The following ZBTB11 variants were observed in gnomAD, a reference collection of about 807,000 sequenced individuals.
ZBTB11 encodes the protein zinc finger and BTB domain-containing protein 11.
Under a neutral mutation model 113.1 loss-of-function variants are expected in ZBTB11, and 68 were observed. The ratio of observed to expected loss-of-function variants is 0.60; its 90% CI spans 0.49 to 0.74. The LOEUF (loss-of-function observed/expected upper bound fraction) is 0.74. Ranked by LOEUF, ZBTB11 falls within the 30% of genes least tolerant of loss-of-function variation. The pLI, the probability that ZBTB11 is intolerant of heterozygous loss-of-function variation, is 0.00. For missense variants in ZBTB11, 1,104 were observed against 1,279.4 expected (o/e 0.86, Z 2.09); for synonymous variants, 518 against 452.6 (o/e 1.14, Z -1.83).
rs1936782090 is a variant in ZBTB11 at position 101,655,663 on chromosome 3, G to A, written c.2191+441C>T. Among the ~76,000 whole-genome samples the A allele has an allele frequency of 5.3e-5, 8 of 149,536 alleles. No homozygotes were observed. In the South Asian group the frequency reaches 1.7e-3, roughly 31 times the overall value. On this transcript the variant is annotated intron_variant, in intron 7 of 10. Transcript: ENST00000312938. ...GCTGTAAAACCAGATCTGAGAAAAC[G>A]CTTTTTTTTTTTTTTGAGACGGATT...
In ZBTB11 at chr3:101,652,490, A is replaced by G. The variant is rs1374566063; in HGVS notation, c.2644+6T>C. ...TAAGGATACATATAATATAAAGTAT[A>G]GTTACCTTCATGGTTGTTCATGTGT... On this transcript the variant is annotated splice_donor_region_variant and intron_variant, in intron 10 of 10. Transcript: ENST00000312938. 1.2e-6 allele frequency: 2 copies of G among 1,613,096 alleles called. No individual in the cohort carries two copies. Among genetic ancestry groups the G allele is most frequent in the Middle Eastern group, 1.6e-4 (1 of 6,080 alleles).
At chr3:101,654,643 T>C in intron 8 of ZBTB11, 61 bp downstream of exon 8, 1 of 1,397,748 alleles carries the variant, frequency 7.2e-7, no homozygotes, top group Non-Finnish European at 1.0e-6. Context: ...CAAATATTTT[T>C]TTGAAAACTG....
rs758166647 is a variant in ZBTB11 at position 101,665,427 on chromosome 3, T to A, written c.1160A>T (p.Gln387Leu). Residue 387 changes from glutamine (Q) to leucine (L), a missense_variant, in exon 4 of 11, where the codon CAG (glutamine) becomes CTG (leucine). Physicochemically the swap from Gln to Leu is moderately radical, Grantham distance 113. Coordinates refer to ENST00000312938, the MANE Select transcript of ZBTB11 (RefSeq NM_014415.4). The stretch of plus-strand genomic sequence containing the variant: ...GGCAGATTCAGCCTCTGAAGAAACC[T>A]GGGGCTCAGGCTGTCGTCCTACCTC... Reference protein sequence around the residue: ...NGEVGRQPEPQVSSEAESALS... With the variant: ...NGEVGRQPEPLVSSEAESALS... 4 of 1,614,192 alleles carry A rather than the reference T, an allele frequency of 2.5e-6. No individual in the cohort carries two copies. Among genetic ancestry groups the A allele is most frequent in the Non-Finnish European group, 3.4e-6 (4 of 1,180,032 alleles).
Position 101,672,232 on chromosome 3 carries a change from C to T in ZBTB11, c.311-19G>A. 6.5e-7 allele frequency: 1 copy of T among 1,542,836 alleles called. No homozygotes were observed. The highest frequency in any genetic ancestry group is 1.2e-5 in the South Asian group (1 of 83,998). Reference sequence around the variant, plus strand: ...AATATACCTACAATGAAAATATTAACAAGTCAAATTTAATACTGTTAACTG... The same window carrying T: ...AATATACCTACAATGAAAATATTAATAAGTCAAATTTAATACTGTTAACTG... On this transcript the variant is annotated intron_variant, in intron 1 of 10. Transcript: ENST00000312938.
chr3:101,659,987 T>C lies in ZBTB11; in HGVS notation c.1842A>G (p.Ala614=). 2 of 1,614,176 alleles carry C rather than the reference T, an allele frequency of 1.2e-6. No homozygotes were observed. The highest frequency in any genetic ancestry group is 1.7e-6 in the Non-Finnish European group (2 of 1,180,008). The part of the protein sequence containing the change: ...KQFQYSASLR[A]HLIRHTRKDA... Reference sequence around the variant, plus strand: ...CTTTTCTGGTATGACGAATAAGATGTGCTCGCAAAGAGGCACTGTACTGAA... The same window carrying C: ...CTTTTCTGGTATGACGAATAAGATGCGCTCGCAAAGAGGCACTGTACTGAA... The change falls in exon 6 of 11, where the codon GCA becomes GCG. Residue 614 remains alanine (A), a synonymous_variant. Transcript: ENST00000312938.
At chr3:101,672,339 T>C (rs1937097740) in intron 1 of ZBTB11, 126 bp from the exon 2 acceptor site, 2 of 607,526 alleles carry the variant, frequency 3.3e-6, no homozygotes, top group Non-Finnish European at 5.6e-6. Flanking sequence ...ATAAAATATG[T>C]AGAGTTTATT....
At chr3:101,668,820 G>A (rs1937038437) in intron 3 of ZBTB11, among the ~76,000 whole-genome samples, 1 of 151,862 alleles carries the variant, frequency 6.6e-6, no homozygotes, top group African/African-American at 2.4e-5. Context: ...GAGCCTCTCT[G>A]AGCCTATTCT....
chr3:101,653,778 T>C (rs1260115389), intron 8 of ZBTB11, among the ~76,000 whole-genome samples: 5 of 152,162 alleles, frequency 3.3e-5, no homozygotes, highest in Admixed American at 6.5e-5. Context: ...GAAAAGCTTA[T>C]AGTGACTAGG....
In ZBTB11 at chr3:101,656,131, G is replaced by A; in HGVS notation, c.2164C>T (p.Leu722Phe). The stretch of plus-strand genomic sequence containing the variant: ...GTGTGAATACTCATATGTTCTTGAA[G>A]ACTCCGTTTGGTAACAAATGACTTA... ...CVKSFVTKRS[L>F]QEHMSIHTGE... Residue 722 changes from leucine to phenylalanine, a missense_variant, in exon 7 of 11, where the codon CTT (leucine) becomes TTT (phenylalanine). Leu to Phe is a conservative substitution (Grantham distance 22). Transcript: ENST00000312938. 6.3e-7 allele frequency: 1 copy of A among 1,588,810 alleles called. No individual in the cohort carries two copies. Among genetic ancestry groups the A allele is most frequent in the South Asian group, 1.1e-5 (1 of 87,140 alleles).
At chr3:101,664,472 T>C in intron 5 of ZBTB11, 66 bp downstream of exon 5, 1 of 1,440,766 alleles carries the variant, frequency 6.9e-7, no homozygotes. Flanking sequence ...AAGATAACCA[T>C]GCAGTAAGTT....
At chr3:101,652,990 G>A in intron 8 of ZBTB11, 52 bp from the exon 9 acceptor site, 1 of 1,533,240 alleles carries the variant, frequency 6.5e-7, no homozygotes, top group Non-Finnish European at 8.8e-7. Context: ...TTTAAAACAA[G>A]TTTCCAAGAA....
chr3:101,657,016 C>A (rs1936810191), intron 6 of ZBTB11, among the ~76,000 whole-genome samples: 1 of 151,108 alleles, frequency 6.6e-6, no homozygotes, highest in Admixed American at 6.6e-5. Flanking sequence ...TGACAGGCAT[C>A]TGTAATCCCA....
At chr3:101,676,463 C>T in intron 1 of ZBTB11, 142 bp downstream of exon 1, 1 of 873,594 alleles carries the variant, frequency 1.1e-6, no homozygotes, top group Non-Finnish European at 1.6e-6. Flanking sequence ...GTCCCCCACC[C>T]TCTCGGCTCC....
chr3:101,651,000 T>C lies in ZBTB11; in HGVS notation c.*166A>G. Reference sequence around the variant, plus strand: ...TTTCTCTACACTAAACGGACTTTTCTATAGAACCCATTGGCCAGACAAAAT... The same window carrying C: ...TTTCTCTACACTAAACGGACTTTTCCATAGAACCCATTGGCCAGACAAAAT... On this transcript the variant is annotated 3_prime_UTR_variant, in exon 11 of 11. Transcript: ENST00000312938. 2.8e-6 allele frequency: 2 copies of C among 707,996 alleles called. No individual in the cohort carries two copies. Among genetic ancestry groups the C allele is most frequent in the South Asian group, 4.9e-5 (2 of 40,570 alleles). 43.9% of individuals were successfully genotyped at this position (707,996 alleles called of 1,614,324 possible).
At chr3:101,653,909 G>A (rs1318829251) in intron 8 of ZBTB11, among the ~76,000 whole-genome samples, 1 of 152,170 alleles carries the variant, frequency 6.6e-6, no homozygotes, top group Non-Finnish European at 1.5e-5. Context: ...TGTTTCCTAA[G>A]AGACAGGGTC....
intron 1 of ZBTB11, among the ~76,000 whole-genome samples, chr3:101,675,945 G>A (rs1937160095): frequency 1.3e-5 from 2 of 151,728 alleles, no homozygotes; most frequent in African/African-American, 2.4e-5. Flanking sequence ...CCCCGCCCCC[G>A]CAAAACCAAA....
At chr3:101,659,565 T>C (rs1471874926) in intron 6 of ZBTB11, among the ~76,000 whole-genome samples, 1 of 152,184 alleles carries the variant, frequency 6.6e-6, no homozygotes. Context: ...TAGTAAGTTT[T>C]CACAAACATC....
chr3:101,666,086 T>C (rs1442495951), intron 3 of ZBTB11, among the ~76,000 whole-genome samples: 1 of 152,102 alleles, frequency 6.6e-6, no homozygotes, highest in Non-Finnish European at 1.5e-5. Flanking sequence ...CTTAGAACCC[T>C]GGGGATTCCT....
rs937369339 is a variant in ZBTB11, at chr3:101,654,651, C to A, written c.2309+53G>T. ...TTATCTTCAAATATTTTTTTGAAAA[C>A]TGAGTAAAAACATAATTAAATTAAC... On this transcript the variant is annotated intron_variant, in intron 8 of 10. Coordinates refer to ENST00000312938, the MANE Select transcript of ZBTB11 (RefSeq NM_014415.4). The A allele has an allele frequency of 1.1e-5, 16 of 1,457,492 alleles. No individual in the cohort carries two copies. The African/African-American group carries it at 2.0e-4, about 18-fold the overall frequency. The allele number at this position is 1,457,492 out of a possible 1,614,324, so 90.3% of individuals were successfully genotyped here.
Sources: gnomAD v4.1 joint callset for allele counts (sites outside exome capture counted in the v4.1 genomes callset) on GRCh38, gnomAD v4.1.1 for gene constraint, MANE v1.5 for transcripts, NCBI Gene and HGNC (gene_info 2026-07-23, HGNC 2026-07-21) for gene names.